SPEF2: variants seen among roughly 807,000 people sequenced by gnomAD.
SPEF2 encodes sperm flagella and cilia-associated protein 2.
Under a neutral mutation model 224.6 loss-of-function variants are expected in SPEF2, and 187 were observed. The ratio of observed to expected loss-of-function variants is 0.83; its 90% CI spans 0.74 to 0.94. The LOEUF (loss-of-function observed/expected upper bound fraction) is 0.94, where lower values mean the gene tolerates loss of function less well. SPEF2 is among the 40% of genes least tolerant of loss of function. The pLI, the probability that SPEF2 is intolerant of heterozygous loss-of-function variation, is 0.00. For synonymous variants in SPEF2, 715 were observed against 707.3 expected, an observed-to-expected ratio of 1.01 and a Z score of -0.17; for missense variants, 2,170 against 2,135.6, an observed-to-expected ratio of 1.02 and a Z score of -0.32.
At chr5:35,706,183 G>A (rs1482954488) in intron 18 of SPEF2, among the ~76,000 whole-genome samples, 4 of 151,836 alleles carry the variant, frequency 2.6e-5, no homozygotes, top group African/African-American at 9.7e-5. Context: ...TAGAGATATT[G>A]TAGATAAAGG....
At chr5:35,812,626 G>A (rs1210686220) in intron 36 of SPEF2, among the ~76,000 whole-genome samples, 3 of 152,012 alleles carry the variant, frequency 2.0e-5, no homozygotes, top group East Asian at 1.9e-4. Flanking sequence ...TGTGATGAAC[G>A]CAGGCTCAAT....
chr5:35,649,180 T>C (rs1747839778), intron 5 of SPEF2, among the ~76,000 whole-genome samples, 181 bp from the exon 6 acceptor site: 1 of 152,116 alleles, frequency 6.6e-6, no homozygotes, highest in South Asian at 2.1e-4. Context: ...TTAGGTATAG[T>C]TAGCCCAGTC....
chr5:35,775,533 T>G (rs192047689), intron 28 of SPEF2, among the ~76,000 whole-genome samples: 4 of 152,212 alleles, frequency 2.6e-5, no homozygotes, highest in African/African-American at 9.6e-5. Context: ...TGGAGGGTTA[T>G]CTAGGCACTG....
chr5:35,712,823 GGT>G lies in SPEF2; in HGVS notation c.2852_2853del (p.Gly951GlufsTer14), dbSNP rs1561244488. 1 of 1,613,776 alleles carries G rather than the reference GGT, an allele frequency of 6.2e-7. No individual in the cohort carries two copies. Among genetic ancestry groups the G allele is most frequent in the Admixed American group, 1.7e-5 (1 of 59,994 alleles). On this transcript the variant is annotated frameshift_variant, in exon 20 of 37. Transcript: ENST00000356031. LOFTEE classifies it high-confidence loss of function. Reference protein sequence around the residue: ...KGKPQSEAPHGKQESLQEGKG... With the variant: ...KGKPQSEAPHXKQESLQEGKG... The stretch of plus-strand genomic sequence containing the variant: ...CGAATTTTGTTTAGAAGCCCCGCAT[GGT>G]AAGCAAGAATCTCTTCAGGAAGGAA...
At chr5:35,711,539 T>C (rs1741133581) in intron 19 of SPEF2, among the ~76,000 whole-genome samples, 1 of 152,086 alleles carries the variant, frequency 6.6e-6, no homozygotes, top group Non-Finnish European at 1.5e-5. Flanking sequence ...AATAGAATAA[T>C]ACTACCTATA....
At chr5:35,774,559 A>G (rs993339741) in intron 28 of SPEF2, among the ~76,000 whole-genome samples, 4 of 152,282 alleles carry the variant, frequency 2.6e-5, no homozygotes, top group Admixed American at 2.6e-4. Context: ...TATAGGAGCT[A>G]TGACTCCACA....
In SPEF2 at chr5:35,726,877, A is replaced by G. The variant is rs113577632; in HGVS notation, c.2915-798A>G. Among the ~76,000 whole-genome samples, 1,355 of 152,314 alleles carry G rather than the reference A, an allele frequency of 8.9e-3. 15 individuals carry two copies. Among genetic ancestry groups the G allele is most frequent in the Non-Finnish European group, 0.013 (907 of 68,020 alleles). On this transcript the variant is annotated intron_variant, in intron 20 of 36. Coordinates refer to ENST00000356031, the MANE Select transcript of SPEF2 (RefSeq NM_024867.4). The stretch of plus-strand genomic sequence containing the variant: ...TTCATACCATAGGGCGCCACTTAAC[A>G]GATCTAGATTCCCCTCTTGATGTTA...
At chr5:35,813,830 A>T (rs1448754619) in intron 36 of SPEF2, among the ~76,000 whole-genome samples, 1 of 123,250 alleles carries the variant, frequency 8.1e-6, no homozygotes, top group Non-Finnish European at 1.8e-5. Context: ...AAAATTGTGA[A>T]ATAAAAAAAA....
Position 35,658,989 on chromosome 5 carries a change from T to C in SPEF2, c.979-30T>C, listed in dbSNP as rs201763719. On this transcript the variant is annotated intron_variant, in intron 7 of 36. Transcript: ENST00000356031. ...GCTCAGCGGGAAATTTGGACGTCAC[T>C]TTAACAAATAATTCCCCTGGTGTTT... is the stretch of plus-strand genomic sequence containing the variant. 190 of 1,488,476 alleles carry C rather than the reference T, an allele frequency of 1.3e-4. No individual in the cohort carries two copies. In the African/African-American group the frequency reaches 2.2e-3, roughly 17 times the overall value. The allele number at this position is 1,488,476 out of a possible 1,614,324, so 92.2% of individuals were successfully genotyped here. A position where few individuals can be genotyped will look rare whatever the true frequency, so the allele number is the denominator to read the frequency against.
chr5:35,738,868 A>T (rs537328267), intron 21 of SPEF2, among the ~76,000 whole-genome samples: 1 of 152,158 alleles, frequency 6.6e-6, no homozygotes, highest in Admixed American at 6.5e-5. Flanking sequence ...CAGTTAGTAA[A>T]CTGCTAATTT....
In SPEF2 at chr5:35,806,704, C is replaced by A. The variant is rs1436012114; in HGVS notation, c.5011-3C>A. The A allele has an allele frequency of 6.2e-7, 1 of 1,608,296 alleles. No individual in the cohort carries two copies. Among genetic ancestry groups the A allele is most frequent in the African/African-American group, 1.3e-5 (1 of 74,344 alleles). ...TTCATGTTCTCTTCATTTAACTTTGCAGACCTCCTCAACTGATGCAGGTCC... is the reference window on the plus strand; with the variant it reads ...TTCATGTTCTCTTCATTTAACTTTGAAGACCTCCTCAACTGATGCAGGTCC... On this transcript the variant is annotated splice_polypyrimidine_tract_variant and splice_region_variant and intron_variant, in intron 34 of 36. Transcript: ENST00000356031.
At chr5:35,805,683 C>T (rs1757966929) in intron 34 of SPEF2, among the ~76,000 whole-genome samples, 1 of 152,098 alleles carries the variant, frequency 6.6e-6, no homozygotes, top group Admixed American at 6.6e-5. Flanking sequence ...ATGTAAGAAG[C>T]ACAAAGCAAA....
At chr5:35,780,589 T>C (rs1453706006) in intron 30 of SPEF2, among the ~76,000 whole-genome samples, 3 of 152,206 alleles carry the variant, frequency 2.0e-5, no homozygotes, top group African/African-American at 7.2e-5. Flanking sequence ...AGTCCTTTAG[T>C]CAGACAGAGT....
Position 35,766,108 on chromosome 5 carries a change from A to C in SPEF2, c.3801+2406A>C, listed in dbSNP as rs372030018. On this transcript the variant is annotated intron_variant, in intron 26 of 36. Transcript: ENST00000356031. ...TTCTGTAATTTTCCTTTCTCATGCT[A>C]TCTTTGATGGCTTGGAGCATCCAGA... is the stretch of plus-strand genomic sequence containing the variant. Among the ~76,000 whole-genome samples, 32 of 152,220 alleles carry C rather than the reference A, an allele frequency of 2.1e-4. 1 individual carries two copies. In the South Asian group the frequency reaches 6.4e-3, roughly 31 times the overall value.
intron 26 of SPEF2, 127 bp downstream of exon 26, chr5:35,763,829 CA>C (rs112969986): frequency 1.5e-5 from 12 of 796,236 alleles, no homozygotes; most frequent in African/African-American, 1.4e-4. Flanking sequence ...ACCTTCGAAA[CA>C]TTTTTTTTCT....
chr5:35,757,627 CCT>C (rs1750644273), intron 24 of SPEF2, among the ~76,000 whole-genome samples: 1 of 152,122 alleles, frequency 6.6e-6, no homozygotes, highest in African/African-American at 2.4e-5. Flanking sequence ...TCATTTTTCT[CCT>C]CTGTTTTACC....
Position 35,773,980 on chromosome 5 carries a change from T to C in SPEF2, c.4037T>C (p.Val1346Ala). 6.2e-7 allele frequency: 1 copy of C among 1,612,784 alleles called. No individual in the cohort carries two copies. Among genetic ancestry groups the C allele is most frequent in the Non-Finnish European group, 8.5e-7 (1 of 1,179,388 alleles). ...AEIKRKNELR[V>A]KIKEEHLAAL... is the part of the protein sequence containing the mutation. The stretch of plus-strand genomic sequence containing the variant: ...ATCAAAAGGAAAAATGAACTGAGGG[T>C]CAAAATAAAAGAAGAACACCTTGCT... The change falls in exon 28 of 37, where the codon GTC becomes GCC. Residue 1346 changes from valine (V) to alanine (A), a missense_variant. Transcript: ENST00000356031.
Position 35,691,088 on chromosome 5 carries a change from C to T in SPEF2, c.1576C>T (p.Pro526Ser), listed in dbSNP as rs545208380. Residue 526 changes from proline (P) to serine (S), a missense_variant, in exon 11 of 37, where the codon CCC becomes TCC. Physicochemically the swap from Pro to Ser is moderately conservative, Grantham distance 74. Coordinates refer to ENST00000356031, the MANE Select transcript of SPEF2 (RefSeq NM_024867.4). ...LPEEMVDNLPPSNNCILGHIL... is the reference protein window; with the variant it reads ...LPEEMVDNLPSSNNCILGHIL... Reference sequence around the variant, plus strand: ...AGAAGAAATGGTTGACAATTTACCACCCTCCAACAATTGCATACTGGGCCA... The same window carrying T: ...AGAAGAAATGGTTGACAATTTACCATCCTCCAACAATTGCATACTGGGCCA... The T allele has an allele frequency of 6.2e-7, 1 of 1,614,052 alleles. No individual in the cohort carries two copies. The highest frequency in any genetic ancestry group is 1.7e-5 in the Admixed American group (1 of 60,012).
intron 23 of SPEF2, among the ~76,000 whole-genome samples, chr5:35,752,125 G>T (rs143307128): frequency 5.3e-5 from 8 of 152,220 alleles, no homozygotes; most frequent in Admixed American, 3.9e-4. Flanking sequence ...TCTGATAGGA[G>T]GTGGAGATCG....
Sources: gnomAD v4.1 joint callset for allele counts (sites outside exome capture counted in the v4.1 genomes callset) on GRCh38, gnomAD v4.1.1 for gene constraint, MANE v1.5 for transcripts, NCBI Gene and HGNC (gene_info 2026-07-23, HGNC 2026-07-21) for gene names.